Variants in DLGAP1 observed in about 807,000 individuals in gnomAD.
DLGAP1 encodes disks large-associated protein 1.
A neutral mutation model predicts 90.8 loss-of-function variants in DLGAP1; 11 were observed. The observed-to-expected ratio is 0.12, with a 90% CI of 0.08 to 0.20. The LOEUF is 0.20. Ranked by LOEUF, DLGAP1 falls within the 10% of genes least tolerant of loss-of-function variation. The pLI is 1.00. For synonymous variants in DLGAP1, 558 were observed against 540.7 expected (o/e 1.03, Z -0.44); for missense variants, 1,050 against 1,333.8 (o/e 0.79, Z 3.31).
intron 1 of DLGAP1, among the ~76,000 whole-genome samples, chr18:4,428,052 C>T (rs542648183): frequency 2.0e-5 from 3 of 152,200 alleles, no homozygotes; most frequent in African/African-American, 7.2e-5. Context: ...TGTTCCACTT[C>T]TCTGAGTTTA....
intron 1 of DLGAP1, among the ~76,000 whole-genome samples, chr18:4,267,201 TCTATCTAC>T (rs963420975): frequency 2.8e-5 from 4 of 145,442 alleles, no homozygotes; most frequent in African/African-American, 8.5e-5. Flanking sequence ...TGTGTGTGTA[TCTATCTAC>T]CTATCTAATG....
chr18:3,607,461 A>G (rs976663626), intron 7 of DLGAP1: 1 of 151,438 alleles, frequency 6.6e-6, no homozygotes, highest in African/African-American at 2.5e-5. Context: ...CCCGGCCTTG[A>G]GCATTTGTTT....
chr18:3,823,569 T>C (rs566551249), intron 4 of DLGAP1, among the ~76,000 whole-genome samples: 2 of 152,340 alleles, frequency 1.3e-5, no homozygotes, highest in East Asian at 3.9e-4. Flanking sequence ...GGCTGCTGTC[T>C]ATAAGAGTTT....
intron 3 of DLGAP1, among the ~76,000 whole-genome samples, chr18:3,982,846 C>T (rs2073763315): frequency 6.6e-6 from 1 of 152,104 alleles, no homozygotes; most frequent in Non-Finnish European, 1.5e-5. Flanking sequence ...GGTGGAAAAT[C>T]AAAACATGAA....
intron 5 of DLGAP1, among the ~76,000 whole-genome samples, chr18:3,809,256 C>T (rs2066712215): frequency 6.6e-6 from 1 of 152,062 alleles, no homozygotes. Flanking sequence ...GGAGAGCCGC[C>T]CAAGTGGTGC....
chr18:4,437,385 C>T (rs1200933047), intron 1 of DLGAP1, among the ~76,000 whole-genome samples: 3 of 152,084 alleles, frequency 2.0e-5, no homozygotes, highest in Non-Finnish European at 4.4e-5. Context: ...GGGAGTAGTT[C>T]TAGGACCTCC....
intron 5 of DLGAP1, among the ~76,000 whole-genome samples, chr18:3,745,700 A>AT (rs2063238697): frequency 6.6e-6 from 1 of 152,042 alleles, no homozygotes; most frequent in African/African-American, 2.4e-5. Context: ...ATTTTTATTT[A>AT]TTTTTTTGAG....
chr18:4,392,769 G>A (rs2082365191), intron 1 of DLGAP1, among the ~76,000 whole-genome samples: 1 of 152,086 alleles, frequency 6.6e-6, no homozygotes, highest in Non-Finnish European at 1.5e-5. Flanking sequence ...TGTCTGCTTG[G>A]CATTTTCTCC....
chr18:4,372,131 G>T (rs993298115), intron 1 of DLGAP1, among the ~76,000 whole-genome samples: 16 of 152,036 alleles, frequency 1.1e-4, no homozygotes, highest in Admixed American at 3.3e-4. Flanking sequence ...ATAGATGGGA[G>T]TTAAGGAGAA....
chr18:3,659,473 T>C (rs1402335893), intron 7 of DLGAP1, among the ~76,000 whole-genome samples: 1 of 125,196 alleles, frequency 8.0e-6, no homozygotes, highest in Non-Finnish European at 1.6e-5. Context: ...CCCCGGTTTC[T>C]TTTTCATAGT....
intron 1 of DLGAP1, among the ~76,000 whole-genome samples, chr18:4,173,569 A>G (rs1223399068): frequency 6.7e-6 from 1 of 148,936 alleles, no homozygotes. Context: ...TTGAAAATTA[A>G]AAAAAAAATC....
At chr18:3,539,041 C>T (rs1398077335) in intron 9 of DLGAP1, among the ~76,000 whole-genome samples, 1 of 152,232 alleles carries the variant, frequency 6.6e-6, no homozygotes, top group Non-Finnish European at 1.5e-5. Flanking sequence ...TGAACTCAGG[C>T]AGCCCTGTCC....
In DLGAP1 at chr18:3,534,509, AC is replaced by A; in HGVS notation, c.2163del (p.Cys722ValfsTer76). The A allele has an allele frequency of 6.2e-7, 1 of 1,614,222 alleles. No individual in the cohort carries two copies. Among genetic ancestry groups the A allele is most frequent in the Non-Finnish European group, 8.5e-7 (1 of 1,180,032 alleles). ...AACTGTCTGGCCATGGGGCCAGGACACGAATTGTCCTCTATAGATTCCAGAG... is the reference window on the plus strand; with the variant it reads ...AACTGTCTGGCCATGGGGCCAGGACAGAATTGTCCTCTATAGATTCCAGAG... ...ENSLESIEDNSCPGPMARQFS... is the reference protein window; with the variant it reads ...ENSLESIEDNXCPGPMARQFS... On this transcript the variant is annotated frameshift_variant, in exon 10 of 13. Coordinates refer to ENST00000315677, the MANE Select transcript of DLGAP1 (RefSeq NM_004746.4). LOFTEE classifies it high-confidence loss of function.
At chr18:3,659,448 C>CG (rs2059611315) in intron 7 of DLGAP1, among the ~76,000 whole-genome samples, 1 of 144,918 alleles carries the variant, frequency 6.9e-6, no homozygotes, top group African/African-American at 2.7e-5. Flanking sequence ...TGCTACCACC[C>CG]CCCGCCGCCC....
chr18:4,306,097 A>G (rs557516487), intron 1 of DLGAP1, among the ~76,000 whole-genome samples: 47 of 151,718 alleles, frequency 3.1e-4, no homozygotes, highest in Non-Finnish European at 5.4e-4. Flanking sequence ...AGAGAGAGAG[A>G]GAGAGGGAGA....
At chr18:3,600,987 GATAT>G (rs1380385673) in intron 7 of DLGAP1, among the ~76,000 whole-genome samples, 1 of 44,596 alleles carries the variant, frequency 2.2e-5, no homozygotes, top group Admixed American at 2.1e-4. Flanking sequence ...TATAGATATA[GATAT>G]ATAGATATAT....
At chr18:3,742,194 CA>C (rs1454032174) in intron 6 of DLGAP1, 140 bp downstream of exon 6, 42 of 1,076,256 alleles carry the variant, frequency 3.9e-5, no homozygotes, top group Non-Finnish European at 5.0e-5. Flanking sequence ...ATGCTCTTTG[CA>C]GCACTTGACT....
chr18:3,693,042 T>C (rs1238306113), intron 7 of DLGAP1, among the ~76,000 whole-genome samples: 1 of 152,228 alleles, frequency 6.6e-6, no homozygotes, highest in Non-Finnish European at 1.5e-5. Flanking sequence ...ATAAAAGCCA[T>C]TACATTTCTT....
chr18:4,339,085 G>A (rs1367371849), intron 1 of DLGAP1, among the ~76,000 whole-genome samples: 2 of 152,178 alleles, frequency 1.3e-5, no homozygotes, highest in East Asian at 3.9e-4. Flanking sequence ...AAAGGGTCCT[G>A]ACTTTAGACT....
Sources: gnomAD v4.1 joint callset for allele counts (sites outside exome capture counted in the v4.1 genomes callset) on GRCh38, gnomAD v4.1.1 for gene constraint, MANE v1.5 for transcripts, NCBI Gene and HGNC (gene_info 2026-07-23, HGNC 2026-07-21) for gene names.